The following WWOX variants were observed in gnomAD, a reference collection of about 807,000 sequenced individuals.
WWOX encodes the protein WW domain containing oxidoreductase, also known as WW domain-containing oxidoreductase.
In WWOX, 69 loss-of-function variants were observed where a neutral mutation model predicts 46.2. The ratio of observed to expected loss-of-function variants is 1.49; its 90% CI spans 1.23 to 1.82. WWOX has a LOEUF of 1.82. Among genes scored for constraint, WWOX ranks in the 40% most tolerant of loss-of-function variants. WWOX has a pLI of 0.00. For synonymous variants in WWOX, 359 were observed against 202.6 expected (o/e 1.77, Z -6.56); for missense variants, 919 against 542.6 (o/e 1.69, Z -6.89).
intron 8 of WWOX, among the ~76,000 whole-genome samples, chr16:78,501,193 C>CTT (rs1218791135): frequency 1.1e-5 from 1 of 90,938 alleles, no homozygotes; most frequent in South Asian, 4.4e-4. Context: ...CTTTCTTTCT[C>CTT]TTTTTTTTTT....
At chr16:78,170,357 C>T (rs1294731098) in intron 5 of WWOX, among the ~76,000 whole-genome samples, 1 of 152,186 alleles carries the variant, frequency 6.6e-6, no homozygotes, top group Non-Finnish European at 1.5e-5. Context: ...CTATTAAACA[C>T]ATCAACTCTG....
intron 1 of WWOX, among the ~76,000 whole-genome samples, chr16:78,107,702 G>C (rs1338224225): frequency 6.6e-6 from 1 of 152,144 alleles, no homozygotes; most frequent in Non-Finnish European, 1.5e-5. Flanking sequence ...GGGCAAGGTG[G>C]CACGGGCTTC....
intron 8 of WWOX, among the ~76,000 whole-genome samples, chr16:79,076,819 A>T (rs959500499): frequency 3.3e-4 from 50 of 152,242 alleles, no homozygotes; most frequent in African/African-American, 1.2e-3. Context: ...TGAAGATGAA[A>T]CTGCTTAACG....
At chr16:78,527,572 G>A (rs1254867664) in intron 8 of WWOX, among the ~76,000 whole-genome samples, 1 of 152,110 alleles carries the variant, frequency 6.6e-6, no homozygotes, top group Middle Eastern at 3.2e-3. Context: ...GGGATTACAG[G>A]CATGAGCCAT....
intron 8 of WWOX, among the ~76,000 whole-genome samples, chr16:79,015,343 C>T (rs1276534198): frequency 6.6e-6 from 1 of 152,156 alleles, no homozygotes; most frequent in Non-Finnish European, 1.5e-5. Flanking sequence ...TGATTTCCAG[C>T]CGTGTGACCT....
chr16:78,692,294 C>T (rs1482551485), intron 8 of WWOX, among the ~76,000 whole-genome samples: 2 of 152,176 alleles, frequency 1.3e-5, no homozygotes, highest in African/African-American at 2.4e-5. Flanking sequence ...TTTTGTTTTC[C>T]AATTCCTTTT....
intron 8 of WWOX, among the ~76,000 whole-genome samples, chr16:78,772,891 G>T (rs2050098247): frequency 6.6e-6 from 1 of 152,210 alleles, no homozygotes; most frequent in African/African-American, 2.4e-5. Flanking sequence ...GGGGTGCAGT[G>T]GTACATGGCT....
In WWOX at chr16:78,933,434, G is replaced by A. The variant is rs972403688; in HGVS notation, c.1057-278174G>A. Among the ~76,000 whole-genome samples, 6 of 151,808 alleles carry A rather than the reference G, an allele frequency of 4.0e-5. No individual in the cohort carries two copies. In the East Asian group the frequency reaches 5.8e-4, roughly 15 times the overall value. On this transcript the variant is annotated intron_variant, in intron 8 of 8. Transcript: ENST00000566780. ...GGCCTGGGCAACAGAGGGAGACTCC[G>A]TCTCAAGAAACAAACAAACAAAAAA...
intron 8 of WWOX, among the ~76,000 whole-genome samples, chr16:79,157,775 C>A (rs1001029152): frequency 1.1e-4 from 17 of 152,018 alleles, no homozygotes; most frequent in African/African-American, 3.6e-4. Context: ...TGGGGAGGCA[C>A]CAGGACTGGT....
rs536064460 is a variant in WWOX, at chr16:79,123,494, A to G, written c.1057-88114A>G. Among the ~76,000 whole-genome samples, 119 of 152,186 alleles carry G rather than the reference A, an allele frequency of 7.8e-4. 1 individual carries two copies. Among genetic ancestry groups the G allele is most frequent in the Non-Finnish European group, 1.5e-3 (102 of 68,018 alleles). On this transcript the variant is annotated intron_variant, in intron 8 of 8. Transcript: ENST00000566780. ...CAGACACTGATCTAGGCTCATTCAT[A>G]CACCAGTTCATTCATCCTCATAACA...
At chr16:79,117,358 C>T (rs540442778) in intron 8 of WWOX, among the ~76,000 whole-genome samples, 12 of 152,252 alleles carry the variant, frequency 7.9e-5, no homozygotes, top group South Asian at 6.2e-4. Flanking sequence ...CAGTAGGTCT[C>T]GACAGTGGGC....
At chr16:79,024,133 C>G (rs773920531) in intron 8 of WWOX, among the ~76,000 whole-genome samples, 1 of 152,158 alleles carries the variant, frequency 6.6e-6, no homozygotes, top group Non-Finnish European at 1.5e-5. Flanking sequence ...CTAAAGCATT[C>G]AAGGTTTCTT....
At chr16:78,691,769 G>A (rs888336216) in intron 8 of WWOX, among the ~76,000 whole-genome samples, 11 of 152,162 alleles carry the variant, frequency 7.2e-5, no homozygotes, top group Admixed American at 2.0e-4. Flanking sequence ...CTGTAGGAGA[G>A]AGTTACTATT....
At chr16:78,989,788 A>G (rs1207865611) in intron 8 of WWOX, among the ~76,000 whole-genome samples, 1 of 148,916 alleles carries the variant, frequency 6.7e-6, no homozygotes, top group East Asian at 2.0e-4. Flanking sequence ...AGGAAGTGAG[A>G]GGAAGCAAAG....
chr16:78,589,780 C>G lies in WWOX; in HGVS notation c.1056+157028C>G, dbSNP rs569138489. Among the ~76,000 whole-genome samples the G allele has an allele frequency of 2.0e-5, 3 of 152,262 alleles. No individual in the cohort carries two copies. The East Asian group carries it at 5.8e-4, about 29-fold the overall frequency. ...TTCTCATTTAATAGGTTGGTCATCT[C>G]TCTGCTGGCTTTTTCCCCCTTTTTT... On this transcript the variant is annotated intron_variant, in intron 8 of 8. Transcript: ENST00000566780.
chr16:78,809,989 A>G (rs985129903), intron 8 of WWOX, among the ~76,000 whole-genome samples: 15 of 152,318 alleles, frequency 9.8e-5, no homozygotes, highest in African/African-American at 2.6e-4. Context: ...CTCAGCACCA[A>G]TAGAAACACC....
intron 8 of WWOX, among the ~76,000 whole-genome samples, chr16:78,681,218 G>T (rs1257161596): frequency 2.0e-5 from 3 of 152,056 alleles, no homozygotes; most frequent in African/African-American, 7.2e-5. Flanking sequence ...CACAGCCTGG[G>T]CAACAGAGCA....
chr16:78,694,046 A>G (rs2048047628), intron 8 of WWOX, among the ~76,000 whole-genome samples: 1 of 152,118 alleles, frequency 6.6e-6, no homozygotes, highest in African/African-American at 2.4e-5. Flanking sequence ...AGCCTGGCCA[A>G]CATGGTGAAA....
intron 8 of WWOX, among the ~76,000 whole-genome samples, chr16:78,738,221 A>G (rs968851405): frequency 6.6e-6 from 1 of 152,136 alleles, no homozygotes; most frequent in Non-Finnish European, 1.5e-5. Flanking sequence ...TCATTTTAAG[A>G]TTTCAGTAGC....
Sources: allele counts gnomAD v4.1 joint callset (sites outside exome capture counted in the v4.1 genomes callset), GRCh38; gene constraint gnomAD v4.1.1; transcripts MANE v1.5; gene names NCBI Gene and HGNC (gene_info 2026-07-23, HGNC 2026-07-21).